The following ZNF250 variants were observed in gnomAD, a reference collection of about 807,000 sequenced individuals.
The protein encoded by ZNF250 is zinc finger protein (clone 647).
A neutral mutation model predicts 37.1 loss-of-function variants in ZNF250; 13 were observed. That is an observed-to-expected ratio of 0.35 (90% confidence interval 0.23 to 0.56). The LOEUF (loss-of-function observed/expected upper bound fraction) is 0.56. Among genes scored for constraint, ZNF250 ranks in the 20% least tolerant of loss-of-function variants. ZNF250 has a pLI of 0.87. For synonymous variants in ZNF250, 251 were observed against 265.6 expected (o/e 0.94, Z 0.54); for missense variants, 474 against 697.9 (o/e 0.68, Z 3.61).
Position 144,882,555 on chromosome 8 carries a change from G to T in ZNF250, c.628C>A (p.Leu210Ile). 6.2e-7 allele frequency: 1 copy of T among 1,614,138 alleles called. No individual in the cohort carries two copies. The highest frequency in any genetic ancestry group is 8.5e-7 in the Non-Finnish European group (1 of 1,180,030). The change falls in exon 6 of 6, where the codon CTT becomes ATT. Residue 210 changes from leucine to isoleucine, a missense_variant. Around this residue, in one of 2 missense-constraint regions of ZNF250, gnomAD observed 282 missense variants for 470.4 expected, o/e 0.60. Transcript: ENST00000417550. This position sits in a 1 kb window ranked among gnomAD's most constrained non-coding sequence, Gnocchi z 5.5. ...CCAGTGTGGATACGCTGATGCTGAAGGAGGTGGGAACTCCGGCCAAAGCAC... is the reference window on the plus strand; with the variant it reads ...CCAGTGTGGATACGCTGATGCTGAATGAGGTGGGAACTCCGGCCAAAGCAC... ...GKCFGRSSHL[L>I]QHQRIHTGEK...
intron 1 of ZNF250, among the ~76,000 whole-genome samples, chr8:144,892,888 C>A (rs1397109655): frequency 8.1e-6 from 1 of 123,972 alleles, no homozygotes; most frequent in African/African-American, 3.0e-5. Context: ...GAGACGAAGT[C>A]TTGCTCTGTC....
In ZNF250 at chr8:144,877,067, C is replaced by T. The variant is rs1474423218; in HGVS notation, c.*4448G>A. On this transcript the variant is annotated 3_prime_UTR_variant, in exon 6 of 6. Coordinates refer to ENST00000417550, the MANE Select transcript of ZNF250 (RefSeq NM_001109689.4). The stretch of plus-strand genomic sequence containing the variant: ...TTTGAAGAGAACCAAGTTTCAAATT[C>T]TTAATAGCTGTTAGAAGAAACAATT... 6.6e-6 allele frequency: 1 copy of T among 152,190 alleles called. No individual in the cohort carries two copies. The highest frequency in any genetic ancestry group is 3.2e-3 in the Middle Eastern group (1 of 316). 9.4% of individuals were successfully genotyped at this position (152,190 alleles called of 1,614,324 possible).
Position 144,881,431 on chromosome 8 carries a change from TA to T in ZNF250, c.*83del. On this transcript the variant is annotated 3_prime_UTR_variant, in exon 6 of 6. Transcript: ENST00000417550. Reference sequence around the variant, plus strand: ...GCCAAAGAAAAGCTTCCTATAGAGTTAACAGAGACTTCTCTTGGGCTGAAGG... The same window carrying T: ...GCCAAAGAAAAGCTTCCTATAGAGTTACAGAGACTTCTCTTGGGCTGAAGG... 6.7e-7 allele frequency: 1 copy of T among 1,481,646 alleles called. No homozygotes were observed. The highest frequency in any genetic ancestry group is 1.4e-5 in the South Asian group (1 of 69,986). The allele number at this position is 1,481,646 out of a possible 1,614,324, so 91.8% of individuals were successfully genotyped here.
rs774624450 is a variant in ZNF250, at chr8:144,880,470, A to T, written c.*1045T>A. 2 of 456,838 alleles carry T rather than the reference A, an allele frequency of 4.4e-6. No individual in the cohort carries two copies. Among genetic ancestry groups the T allele is most frequent in the South Asian group, 3.1e-5 (2 of 64,566 alleles). The allele number at this position is 456,838 out of a possible 1,614,324, so 28.3% of individuals were successfully genotyped here. On this transcript the variant is annotated 3_prime_UTR_variant, in exon 6 of 6. Transcript: ENST00000417550. The stretch of plus-strand genomic sequence containing the variant: ...CTGGGGCACAGGATCTGCAGGTCAT[A>T]AGGGCAAGTTTTGAGGAAAATACCC...
intron 1 of ZNF250, among the ~76,000 whole-genome samples, chr8:144,894,242 T>C (rs1431358524): frequency 1.3e-5 from 2 of 152,026 alleles, no homozygotes; most frequent in African/African-American, 4.8e-5. Context: ...CCCTGCCCCA[T>C]GACAACCACC....
chr8:144,886,271 G>A (rs1831873772), intron 5 of ZNF250, among the ~76,000 whole-genome samples: 1 of 152,030 alleles, frequency 6.6e-6, no homozygotes, highest in Non-Finnish European at 1.5e-5. Flanking sequence ...AGGAGTTTGA[G>A]ACCAGCTTGG....
chr8:144,890,300 C>T lies in ZNF250; in HGVS notation c.42+8G>A. On this transcript the variant is annotated splice_region_variant and intron_variant, in intron 2 of 5. Transcript: ENST00000417550. The surrounding 1 kb of genome is among the most constrained non-coding windows in gnomAD (Gnocchi z 5.1). ...GGGGGCACTGCATAAGCACTGGGGA[C>T]AGCTTACCTGGGGTCCTGCCGGCAC... 2 of 1,524,874 alleles carry T rather than the reference C, an allele frequency of 1.3e-6. No individual in the cohort carries two copies. The highest frequency in any genetic ancestry group is 1.8e-6 in the Non-Finnish European group (2 of 1,133,948). 94.5% of individuals were successfully genotyped at this position (1,524,874 alleles called of 1,614,324 possible).
intron 1 of ZNF250, among the ~76,000 whole-genome samples, chr8:144,900,935 G>C (rs911990513): frequency 6.6e-6 from 1 of 152,218 alleles, no homozygotes; most frequent in Non-Finnish European, 1.5e-5. Flanking sequence ...CGAGGAGCGC[G>C]GCAAGAAGAG....
At position 144,891,640 on chromosome 8, in the gene ZNF250, T is replaced by C. The variant is rs1057007909; in HGVS notation, c.-54-1237A>G. ...GCCGAGGCAGGCGGATCACCCGAGG[T>C]TGGGAGTTCGAGACCAGCCATGACC... is the stretch of plus-strand genomic sequence containing the variant. On this transcript the variant is annotated intron_variant, in intron 1 of 5. Coordinates refer to ENST00000417550, the MANE Select transcript of ZNF250 (RefSeq NM_001109689.4). This position sits in a 1 kb window ranked among gnomAD's most constrained non-coding sequence, Gnocchi z 4.0. Among the ~76,000 whole-genome samples, 4 of 151,924 alleles carry C rather than the reference T, an allele frequency of 2.6e-5. No homozygotes were observed. The highest frequency in any genetic ancestry group is 9.7e-5 in the African/African-American group (4 of 41,334).
At chr8:144,884,913 C>G (rs144293419) in intron 5 of ZNF250, among the ~76,000 whole-genome samples, 1 of 152,244 alleles carries the variant, frequency 6.6e-6, no homozygotes, top group East Asian at 1.9e-4. Flanking sequence ...TTCCACTTTA[C>G]TGATGAATAA....
At chr8:144,893,172 C>T (rs75729350) in intron 1 of ZNF250, among the ~76,000 whole-genome samples, 1,568 of 152,086 alleles carry the variant, frequency 0.01, 21 homozygotes, top group African/African-American at 0.036. Context: ...CCAACAATAA[C>T]CAATTTTGGA....
intron 1 of ZNF250, among the ~76,000 whole-genome samples, chr8:144,896,284 C>A (rs1326803539): frequency 6.6e-6 from 1 of 151,752 alleles, no homozygotes; most frequent in Non-Finnish European, 1.5e-5. Flanking sequence ...GAGGTCAAGG[C>A]TGCAGTAAGC....
chr8:144,881,837 C>T lies in ZNF250; in HGVS notation c.1346G>A (p.Gly449Asp), dbSNP rs746274014. 1 of 1,614,154 alleles carries T rather than the reference C, an allele frequency of 6.2e-7. No homozygotes were observed. The highest frequency in any genetic ancestry group is 8.5e-7 in the Non-Finnish European group (1 of 1,180,022). The change falls in exon 6 of 6, where the codon GGT becomes GAT. Residue 449 changes from glycine to aspartate, a missense_variant. Coordinates refer to ENST00000417550, the MANE Select transcript of ZNF250 (RefSeq NM_001109689.4). ...VHTGEKPYVCGECGHAFSARR... is the reference protein window; with the variant it reads ...VHTGEKPYVCDECGHAFSARR... ...TGCACTGAAGGCGTGCCCACATTCA[C>T]CACACACATAGGGCTTCTCCCCAGT...
At chr8:144,893,882 T>G (rs977280172) in intron 1 of ZNF250, among the ~76,000 whole-genome samples, 3 of 152,142 alleles carry the variant, frequency 2.0e-5, no homozygotes, top group Admixed American at 2.0e-4. Context: ...ATCTTGTGTT[T>G]ATGCACCTCA....
rs1397927068 is a variant in ZNF250, at chr8:144,881,860, A to T, written c.1323T>A (p.Thr441=). The change falls in exon 6 of 6, where the codon ACT becomes ACA. Residue 441 remains threonine (T), a synonymous_variant. Transcript: ENST00000417550. The part of the protein sequence containing the change: ...SHLIQHQRVH[T]GEKPYVCGEC... ...CACCACACACATAGGGCTTCTCCCCAGTGTGGACTCTCTGGTGCTGGATCA... is the reference window on the plus strand; with the variant it reads ...CACCACACACATAGGGCTTCTCCCCTGTGTGGACTCTCTGGTGCTGGATCA... 6.2e-7 allele frequency: 1 copy of T among 1,612,764 alleles called. No individual in the cohort carries two copies. The highest frequency in any genetic ancestry group is 8.5e-7 in the Non-Finnish European group (1 of 1,179,732).
At position 144,882,489 on chromosome 8, in the gene ZNF250, T is replaced by C; in HGVS notation, c.694A>G (p.Ser232Gly). 6.2e-7 allele frequency: 1 copy of C among 1,614,186 alleles called. No individual in the cohort carries two copies. Among genetic ancestry groups the C allele is most frequent in the South Asian group, 1.1e-5 (1 of 91,080 alleles). ...TGTTTACTAAGGACTGAGCTCTGGC[T>C]GAAGGCCTTCCCACATACACTGCAC... ...YVCSVCGKAF[S>G]QSSVLSKHRR... Residue 232 changes from serine to glycine, a missense_variant, in exon 6 of 6, where the codon AGC (serine) becomes GGC (glycine). This residue lies in a region of ZNF250 where 282 missense variants were observed against 470.4 expected (regional missense o/e 0.60). Transcript: ENST00000417550. This position sits in a 1 kb window ranked among gnomAD's most constrained non-coding sequence, Gnocchi z 5.5.
Position 144,890,295 on chromosome 8 carries a change from G to C in ZNF250, c.42+13C>G. 6.5e-7 allele frequency: 1 copy of C among 1,534,036 alleles called. No individual in the cohort carries two copies. Among genetic ancestry groups the C allele is most frequent in the African/African-American group, 1.4e-5 (1 of 73,166 alleles). On this transcript the variant is annotated intron_variant, in intron 2 of 5. Transcript: ENST00000417550. The surrounding 1 kb of genome is among the most constrained non-coding windows in gnomAD (Gnocchi z 5.1). ...GGGCTGGGGGCACTGCATAAGCACT[G>C]GGGACAGCTTACCTGGGGTCCTGCC...
chr8:144,895,703 C>T (rs888175406), intron 1 of ZNF250, among the ~76,000 whole-genome samples: 4 of 151,954 alleles, frequency 2.6e-5, no homozygotes, highest in African/African-American at 7.2e-5. Flanking sequence ...ATGACCATCA[C>T]ATATTGCTAA....
chr8:144,877,599 GTGAGTGGCA>G lies in ZNF250; in HGVS notation c.*3907_*3915del, dbSNP rs1831211457. 6.6e-6 allele frequency: 1 copy of G among 152,190 alleles called. No homozygotes were observed. The highest frequency in any genetic ancestry group is 2.4e-5 in the African/African-American group (1 of 41,448). 9.4% of individuals were successfully genotyped at this position (152,190 alleles called of 1,614,324 possible). A position where few individuals can be genotyped will look rare whatever the true frequency, so the allele number is the denominator to read the frequency against. On this transcript the variant is annotated 3_prime_UTR_variant, in exon 6 of 6. Transcript: ENST00000417550. ...CCTCTTTCTCCTTGGAGAGGAGGAG[GTGAGTGGCA>G]AGAAAATGTAGCCTGGGAATCCTCC...
Sources: allele counts gnomAD v4.1 joint callset (sites outside exome capture counted in the v4.1 genomes callset), GRCh38; gene constraint gnomAD v4.1.1; regional missense constraint gnomAD v4.1.1; non-coding constraint Gnocchi (gnomAD v3.1); transcripts MANE v1.5; gene names NCBI Gene and HGNC (gene_info 2026-07-23, HGNC 2026-07-21).